The following LTBP2 variants were observed in gnomAD, a reference collection of about 807,000 sequenced individuals.
The protein encoded by LTBP2 is latent transforming growth factor beta binding protein 2.
LTBP2 carries 103 observed loss-of-function variants against 210.6 expected under a neutral mutation model. The observed-to-expected ratio is 0.49, with a 90% CI of 0.42 to 0.58. The LOEUF is 0.58. LTBP2 is among the 20% of genes least tolerant of loss of function. The pLI is 0.00. For synonymous variants in LTBP2, 1,007 were observed against 1,015.0 expected, an observed-to-expected ratio of 0.99 and a Z score of 0.15; for missense variants, 2,313 against 2,494.5, an observed-to-expected ratio of 0.93 and a Z score of 1.55.
intron 5 of LTBP2, 106 bp downstream of exon 5, chr14:74,552,786 A>T: frequency 7.1e-7 from 1 of 1,410,736 alleles, no homozygotes; most frequent in East Asian, 2.5e-5. Context: ...CAACTTGTGG[A>T]GCCACAGTTT....
chr14:74,532,286 G>T, intron 10 of LTBP2, 140 bp downstream of exon 10: 2 of 1,184,060 alleles, frequency 1.7e-6, no homozygotes, highest in Non-Finnish European at 2.4e-6. Flanking sequence ...CCCAACTCCA[G>T]GTTGAATAGC....
At chr14:74,604,838 C>A (rs1295804359) in intron 1 of LTBP2, among the ~76,000 whole-genome samples, 4 of 152,182 alleles carry the variant, frequency 2.6e-5, no homozygotes, top group African/African-American at 9.7e-5. Context: ...CCATGAGACG[C>A]TGACCTACAG....
chr14:74,568,702 A>C (rs938431518), intron 3 of LTBP2, among the ~76,000 whole-genome samples: 12 of 152,200 alleles, frequency 7.9e-5, no homozygotes, highest in African/African-American at 2.9e-4. Context: ...ATGAGGCATA[A>C]AGAAGCTAGG....
At chr14:74,509,407 A>G (rs746327700) in intron 21 of LTBP2, 44 bp from the exon 22 acceptor site, 17 of 1,611,586 alleles carry the variant, frequency 1.1e-5, no homozygotes, top group Non-Finnish European at 1.4e-5. Context: ...GAGGGCTCCC[A>G]CTCCCCAGGC....
chr14:74,527,274 T>A (rs1457399984), intron 13 of LTBP2, 73 bp downstream of exon 13: 2 of 1,555,730 alleles, frequency 1.3e-6, no homozygotes, highest in Admixed American at 1.8e-5. Context: ...GACACTGCCC[T>A]GGGGCCTGAG....
chr14:74,532,281 C>G (rs1365917487), intron 10 of LTBP2, 145 bp downstream of exon 10: 1 of 1,118,658 alleles, frequency 8.9e-7, no homozygotes, highest in Non-Finnish European at 1.3e-6. Flanking sequence ...TTGGGCCCAA[C>G]TCCAGGTTGA....
chr14:74,504,086 G>A, intron 30 of LTBP2, 32 bp from the exon 31 acceptor site: 1 of 1,611,856 alleles, frequency 6.2e-7, no homozygotes, highest in Non-Finnish European at 8.5e-7. Context: ...TGAGAGGAAG[G>A]TGAGAGGCAG....
At chr14:74,550,942 G>A in intron 7 of LTBP2, 122 bp downstream of exon 7, 1 of 1,280,242 alleles carries the variant, frequency 7.8e-7, no homozygotes, top group Admixed American at 1.9e-5. Flanking sequence ...CTGGGAAATG[G>A]GAGAGTCTGC....
chr14:74,592,672 C>G (rs2088298507), intron 2 of LTBP2, among the ~76,000 whole-genome samples: 1 of 152,156 alleles, frequency 6.6e-6, no homozygotes, highest in Admixed American at 6.5e-5. Flanking sequence ...GCACTCCAGC[C>G]TGGGCAACAG....
intron 8 of LTBP2, among the ~76,000 whole-genome samples, chr14:74,537,485 A>G (rs1345925901): frequency 6.6e-6 from 1 of 152,242 alleles, no homozygotes; most frequent in Non-Finnish European, 1.5e-5. Context: ...CTATAAAGGT[A>G]GCTGCATGAT....
intron 8 of LTBP2, among the ~76,000 whole-genome samples, chr14:74,540,212 C>T (rs1176545638): frequency 6.6e-6 from 1 of 152,166 alleles, no homozygotes; most frequent in African/African-American, 2.4e-5. Context: ...GTGGCTCATG[C>T]CTGTAATCCC....
rs1164885692 is a variant in LTBP2 at position 74,521,983 on chromosome 14, CGCGGTTGAT to C, written c.2707_2715del (p.Ile903_Arg905del). The C allele has an allele frequency of 1.2e-6, 2 of 1,614,022 alleles. No individual in the cohort carries two copies. Among genetic ancestry groups the C allele is most frequent in the East Asian group, 4.5e-5 (2 of 44,892 alleles). ...TAGCAGAAGCAGGAGTAGGACCCCA[CGCGGTTGAT>C]GCAGCGCCCTTTTCCCTTGCAGGGG... is the stretch of plus-strand genomic sequence containing the variant. On this transcript the variant is annotated inframe_deletion, in exon 17 of 36. Transcript: ENST00000261978.
chr14:74,538,267 C>T lies in LTBP2; in HGVS notation c.1790-2267G>A, dbSNP rs1595261600. On this transcript the variant is annotated intron_variant, in intron 8 of 35. Transcript: ENST00000261978. The stretch of plus-strand genomic sequence containing the variant: ...GTTTGTTATTAGTAATGGCCTACAT[C>T]AATCTGTATTTCATATAGTCTTCTC... 2.6e-5 allele frequency among the ~76,000 whole-genome samples: 4 copies of T among 152,228 alleles called. No homozygotes were observed. In the East Asian group the frequency reaches 7.7e-4, roughly 29 times the overall value.
chr14:74,598,713 GCAGCCTGCCCATAGCCCCT>G (rs1474181945), intron 2 of LTBP2, among the ~76,000 whole-genome samples: 2 of 152,186 alleles, frequency 1.3e-5, no homozygotes, highest in Admixed American at 1.3e-4. Flanking sequence ...AAGACTTTAA[GCAGCCTGCCCATAGCCCCT>G]CAGCCACGTG....
chr14:74,552,936 C>A lies in LTBP2; in HGVS notation c.1148G>T (p.Ser383Ile). The A allele has an allele frequency of 6.2e-7, 1 of 1,613,864 alleles. No individual in the cohort carries two copies. The highest frequency in any genetic ancestry group is 8.5e-7 in the Non-Finnish European group (1 of 1,179,904). ...CERGDTTTLY[S>I]QGGHGHDPKS... ...GGGATCGTGCCCATGGCCGCCCTGG[C>A]TGTACAGGGTGGTGGTGTCGCCCCT... The change falls in exon 5 of 36, where the codon AGC (serine) becomes ATC (isoleucine). Residue 383 changes from serine (S) to isoleucine (I), a missense_variant. Ser to Ile is a moderately radical substitution (Grantham distance 142). Around this residue, in one of 3 missense-constraint regions of LTBP2, gnomAD observed 1,867 missense variants for 1,976.9 expected, o/e 0.94. Coordinates refer to ENST00000261978, the MANE Select transcript of LTBP2 (RefSeq NM_000428.3).
chr14:74,577,418 T>G (rs2088072800), intron 3 of LTBP2, among the ~76,000 whole-genome samples: 1 of 151,808 alleles, frequency 6.6e-6, no homozygotes, highest in South Asian at 2.1e-4. Flanking sequence ...GTCACAACCT[T>G]GGAAACAGGC....
chr14:74,522,615 T>C (rs1367273019), intron 16 of LTBP2, among the ~76,000 whole-genome samples, 175 bp downstream of exon 16: 1 of 151,894 alleles, frequency 6.6e-6, no homozygotes, highest in Non-Finnish European at 1.5e-5. Context: ...GAGACTGGTC[T>C]TCCCCTGAAG....
chr14:74,533,663 C>T (rs2087380126), intron 9 of LTBP2, among the ~76,000 whole-genome samples: 1 of 152,202 alleles, frequency 6.6e-6, no homozygotes, highest in Non-Finnish European at 1.5e-5. Flanking sequence ...AACGCCCTTC[C>T]TTGTGCAGGC....
At chr14:74,518,208 T>C (rs1290782984) in intron 17 of LTBP2, among the ~76,000 whole-genome samples, 1 of 152,214 alleles carries the variant, frequency 6.6e-6, no homozygotes, top group Non-Finnish European at 1.5e-5. Context: ...AGAGTCCTTG[T>C]GCAGATTAAA....
Sources: gnomAD v4.1 joint callset for allele counts (sites outside exome capture counted in the v4.1 genomes callset) on GRCh38, gnomAD v4.1.1 for gene constraint, gnomAD v4.1.1 regional missense constraint, MANE v1.5 for transcripts, NCBI Gene and HGNC (gene_info 2026-07-23, HGNC 2026-07-21) for gene names.